SHC3: variants seen among roughly 807,000 people sequenced by gnomAD.
SHC3 encodes the protein SHC adaptor protein 3.
In SHC3, 15 loss-of-function variants were observed where a neutral mutation model predicts 60.4. The ratio of observed to expected loss-of-function variants is 0.25; its 90% CI spans 0.17 to 0.38. The LOEUF is 0.38. Among genes scored for constraint, SHC3 ranks in the 10% least tolerant of loss-of-function variants. SHC3 has a pLI of 1.00. For synonymous variants in SHC3, 294 were observed against 325.9 expected (o/e 0.90, Z 1.05); for missense variants, 677 against 786.1 (o/e 0.86, Z 1.66).
chr9:89,159,265 G>A (rs775112897), intron 1 of SHC3, among the ~76,000 whole-genome samples: 1 of 152,152 alleles, frequency 6.6e-6, no homozygotes, highest in Non-Finnish European at 1.5e-5. Flanking sequence ...TAGAATATAG[G>A]CCAAATGTGG....
chr9:89,075,753 C>T (rs1269889774), intron 3 of SHC3, among the ~76,000 whole-genome samples: 1 of 152,152 alleles, frequency 6.6e-6, no homozygotes, highest in African/African-American at 2.4e-5. Flanking sequence ...TCTCCCTGGT[C>T]AAGGTTCTCA....
chr9:89,091,743 A>G (rs1825624508), intron 2 of SHC3, among the ~76,000 whole-genome samples: 1 of 152,234 alleles, frequency 6.6e-6, no homozygotes, highest in African/African-American at 2.4e-5. Context: ...TACCCATTAA[A>G]TAATAATTCC....
intron 11 of SHC3, among the ~76,000 whole-genome samples, chr9:89,014,127 C>A (rs1171831967): frequency 6.6e-6 from 1 of 152,210 alleles, no homozygotes; most frequent in African/African-American, 2.4e-5. Flanking sequence ...CAGAGGAGCT[C>A]CTGTTGCCCC....
In SHC3 at chr9:89,045,007, C is replaced by T. The variant is rs1017087055; in HGVS notation, c.1201+739G>A. Among the ~76,000 whole-genome samples, 9 of 152,012 alleles carry T rather than the reference C, an allele frequency of 5.9e-5. No individual in the cohort carries two copies. In the South Asian group the frequency reaches 6.2e-4, roughly 11 times the overall value. On this transcript the variant is annotated intron_variant, in intron 9 of 11. Transcript: ENST00000375835. ...TGACCCTGAGTAAAGGGAAGGAGAA[C>T]GAGACAAGGAAGGAAAGGCAACAAT...
intron 1 of SHC3, among the ~76,000 whole-genome samples, chr9:89,145,693 AT>A (rs1206373513): frequency 6.6e-6 from 1 of 152,160 alleles, no homozygotes; most frequent in Non-Finnish European, 1.5e-5. Context: ...GCCTAACAAG[AT>A]TTTTTTTAAA....
intron 6 of SHC3, among the ~76,000 whole-genome samples, 199 bp downstream of exon 6, chr9:89,065,330 T>C (rs144298579): frequency 3.3e-5 from 5 of 152,276 alleles, no homozygotes; most frequent in Admixed American, 1.3e-4. Flanking sequence ...CAAGCGTGTG[T>C]TTGGTGGTCA....
At chr9:89,162,456 G>A (rs7032649) in intron 1 of SHC3, among the ~76,000 whole-genome samples, 4,920 of 151,386 alleles carry the variant, frequency 0.032, 247 homozygotes, top group African/African-American at 0.11. Flanking sequence ...ACAACTATCT[G>A]ATCTTTGACA....
chr9:89,099,731 A>G (rs1825756078), intron 2 of SHC3, among the ~76,000 whole-genome samples: 1 of 152,244 alleles, frequency 6.6e-6, no homozygotes, highest in Admixed American at 6.5e-5. Flanking sequence ...AACTGTGAAG[A>G]CACCGTGAAT....
intron 2 of SHC3, chr9:89,109,108 G>C (rs759324635): frequency 4.2e-5 from 41 of 985,396 alleles, no homozygotes; most frequent in Middle Eastern, 5.2e-4. Flanking sequence ...CCTGGGCCAG[G>C]TCCTGGGGAT....
intron 2 of SHC3, among the ~76,000 whole-genome samples, chr9:89,079,705 CT>C (rs1215469969): frequency 6.6e-6 from 1 of 152,188 alleles, no homozygotes; most frequent in African/African-American, 2.4e-5. Flanking sequence ...AATTACAAAG[CT>C]CTGAAAACTG....
chr9:89,051,159 A>G (rs1824855616), intron 7 of SHC3, among the ~76,000 whole-genome samples: 1 of 152,216 alleles, frequency 6.6e-6, no homozygotes, highest in Admixed American at 6.5e-5. Flanking sequence ...CTCTAGAACT[A>G]AGGCATAGAA....
At chr9:89,079,643 T>C (rs906172106) in intron 2 of SHC3, among the ~76,000 whole-genome samples, 6 of 152,242 alleles carry the variant, frequency 3.9e-5, no homozygotes, top group African/African-American at 1.4e-4. Context: ...CAGCTGCTTC[T>C]GTGCTACTTT....
chr9:89,123,806 A>G (rs1235328265), intron 1 of SHC3, among the ~76,000 whole-genome samples: 1 of 152,110 alleles, frequency 6.6e-6, no homozygotes, highest in African/African-American at 2.4e-5. Context: ...TCTGAGGTCC[A>G]TTTGGAATTA....
intron 1 of SHC3, among the ~76,000 whole-genome samples, chr9:89,124,111 A>G (rs1487738969): frequency 2.0e-5 from 3 of 152,144 alleles, no homozygotes; most frequent in African/African-American, 7.2e-5. Flanking sequence ...ACTGGTCATC[A>G]GGGAAATGCA....
At chr9:89,085,380 C>G (rs116056095) in intron 2 of SHC3, among the ~76,000 whole-genome samples, 1 of 152,336 alleles carries the variant, frequency 6.6e-6, no homozygotes, top group East Asian at 1.9e-4. Context: ...AGGTGCCTTC[C>G]TCAGCCAAGG....
chr9:89,042,959 C>T (rs368087246), intron 9 of SHC3, among the ~76,000 whole-genome samples: 1 of 152,088 alleles, frequency 6.6e-6, no homozygotes, highest in Non-Finnish European at 1.5e-5. Flanking sequence ...AAAGTGACAC[C>T]CAGACCTAGT....
intron 11 of SHC3, among the ~76,000 whole-genome samples, chr9:89,033,490 G>A (rs1306546370): frequency 1.3e-5 from 2 of 152,060 alleles, no homozygotes; most frequent in South Asian, 2.1e-4. Flanking sequence ...TAAAAATTTC[G>A]TTTCTGATTC....
At chr9:89,150,205 T>G (rs1826526212) in intron 1 of SHC3, among the ~76,000 whole-genome samples, 1 of 152,192 alleles carries the variant, frequency 6.6e-6, no homozygotes, top group African/African-American at 2.4e-5. Flanking sequence ...TTCAGTATTA[T>G]CCATGATCAC....
At chr9:89,033,884 C>T (rs1011406975) in intron 11 of SHC3, among the ~76,000 whole-genome samples, 7 of 152,158 alleles carry the variant, frequency 4.6e-5, no homozygotes, top group African/African-American at 1.7e-4. Flanking sequence ...GGAAGCCTAG[C>T]TCATCTTAAG....
Sources: allele counts gnomAD v4.1 joint callset (sites outside exome capture counted in the v4.1 genomes callset), GRCh38; gene constraint gnomAD v4.1.1; transcripts MANE v1.5; gene names NCBI Gene and HGNC (gene_info 2026-07-23, HGNC 2026-07-21).